Variants in ABCA5 observed in about 807,000 individuals in gnomAD.
ABCA5 encodes the protein cholesterol transporter ABCA5.
A neutral mutation model predicts 206.0 loss-of-function variants in ABCA5; 163 were observed. The ratio of observed to expected loss-of-function variants is 0.79; its 90% CI spans 0.70 to 0.90. ABCA5 has a LOEUF of 0.90. Among genes scored for constraint, ABCA5 ranks in the 40% least tolerant of loss-of-function variants. The probability of loss-of-function intolerance (pLI) is 0.00; values close to 1 mark genes in which losing one functional copy is unlikely to be tolerated. For synonymous variants in ABCA5, 609 were observed against 613.8 expected, an observed-to-expected ratio of 0.99 and a Z score of 0.11; for missense variants, 1,859 against 1,912.9, an observed-to-expected ratio of 0.97 and a Z score of 0.53.
intron 13 of ABCA5, 34 bp from the exon 14 acceptor site, chr17:69,289,330 A>G (rs1567769328): frequency 6.9e-7 from 1 of 1,457,264 alleles, no homozygotes; most frequent in East Asian, 2.5e-5. Context: ...TGTTATTTTA[A>G]AAATCATACC....
intron 11 of ABCA5, among the ~76,000 whole-genome samples, chr17:69,292,965 T>G (rs180833858): frequency 8.1e-4 from 124 of 152,324 alleles, no homozygotes; most frequent in African/African-American, 2.9e-3. Context: ...ATTAATAACA[T>G]TAGTTATTAG....
Position 69,289,885 on chromosome 17 carries a change from G to A in ABCA5, c.1759C>T (p.Pro587Ser). The A allele has an allele frequency of 6.2e-7, 1 of 1,609,308 alleles. No homozygotes were observed. The highest frequency in any genetic ancestry group is 1.7e-5 in the Admixed American group (1 of 59,482). ...ACTTCTTGTATTATATTGTTGGCTGGTATCCCTTTGATTGAAGCCAAAATT... is the reference window on the plus strand; with the variant it reads ...ACTTCTTGTATTATATTGTTGGCTGATATCCCTTTGATTGAAGCCAAAATT... ...LSILASIKGIPANNIIQEVQK... is the reference protein window; with the variant it reads ...LSILASIKGISANNIIQEVQK... Residue 587 changes from proline to serine, a missense_variant, in exon 13 of 39, where the codon CCA becomes TCA. Coordinates refer to ENST00000392676, the MANE Select transcript of ABCA5 (RefSeq NM_172232.4).
At chr17:69,250,027 A>AC (rs2074994032) in intron 36 of ABCA5, 43 bp from the exon 37 acceptor site, 2 of 1,244,532 alleles carry the variant, frequency 1.6e-6, no homozygotes, top group Non-Finnish European at 1.1e-6. Flanking sequence ...AAAAATTACT[A>AC]CTATTATGTT....
chr17:69,251,627 C>G, intron 35 of ABCA5, 120 bp downstream of exon 35: 1 of 1,375,750 alleles, frequency 7.3e-7, no homozygotes, highest in Non-Finnish European at 9.6e-7. Flanking sequence ...CAAAAGCTAA[C>G]TCAAAAACTA....
Position 69,313,246 on chromosome 17 carries a change from C to T in ABCA5, c.153G>A (p.Met51Ile), listed in dbSNP as rs779225546. ...FFLFWLILIS[M>I]MHPNKKYEEV... ...CTTCATATTTCTTATTTGGATGCAT[C>T]ATGCTAATTAATATTAACCAAAATA... Residue 51 changes from methionine to isoleucine, a missense_variant, in exon 3 of 39, where the codon ATG (methionine) becomes ATA (isoleucine). By Grantham distance (10) the Met-to-Ile change is conservative. Coordinates refer to ENST00000392676, the MANE Select transcript of ABCA5 (RefSeq NM_172232.4). 6.6e-7 allele frequency: 1 copy of T among 1,507,030 alleles called. No individual in the cohort carries two copies. The highest frequency in any genetic ancestry group is 9.2e-7 in the Non-Finnish European group (1 of 1,087,398). 93.4% of individuals were successfully genotyped at this position (1,507,030 alleles called of 1,614,324 possible).
Position 69,256,144 on chromosome 17 carries a change from A to G in ABCA5, c.3858+13T>C. 6.4e-7 allele frequency: 1 copy of G among 1,572,568 alleles called. No homozygotes were observed. Among genetic ancestry groups the G allele is most frequent in the South Asian group, 1.2e-5 (1 of 82,116 alleles). On this transcript the variant is annotated intron_variant, in intron 29 of 38. Transcript: ENST00000392676. ...TCATATTTACTATGACTTAGCCATA[A>G]AGAATAAATTACCTCCTCACAACAC...
intron 8 of ABCA5, among the ~76,000 whole-genome samples, 161 bp downstream of exon 8, chr17:69,302,557 A>G (rs1309189529): frequency 6.6e-6 from 1 of 152,256 alleles, no homozygotes; most frequent in East Asian, 1.9e-4. Flanking sequence ...AAACATAAAT[A>G]AAACTAGATA....
chr17:69,306,954 AC>A lies in ABCA5; in HGVS notation c.559-1del. 3 of 1,524,920 alleles carry A rather than the reference AC, an allele frequency of 2.0e-6. No homozygotes were observed. The highest frequency in any genetic ancestry group is 2.6e-6 in the Non-Finnish European group (3 of 1,139,054). 94.5% of individuals were successfully genotyped at this position (1,524,920 alleles called of 1,614,324 possible). ...TTCCAAAGAGAAACATTGGTCTTCA[AC>A]TATAATTAGAAAATGTAAATACATC... On this transcript the variant is annotated splice_acceptor_variant, in intron 5 of 38. Transcript: ENST00000392676. LOFTEE classifies it high-confidence loss of function.
intron 7 of ABCA5, among the ~76,000 whole-genome samples, chr17:69,303,811 TAC>T (rs1218598918): frequency 3.1e-3 from 13 of 4,262 alleles, no homozygotes; most frequent in Non-Finnish European, 0.014. Flanking sequence ...TATATATACA[TAC>T]ATATATATAT....
At chr17:69,266,679 C>T (rs2075212900) in intron 23 of ABCA5, among the ~76,000 whole-genome samples, 1 of 148,102 alleles carries the variant, frequency 6.8e-6, no homozygotes, top group African/African-American at 2.5e-5. Context: ...ATGCAAATGT[C>T]CAGTAAATTT....
At chr17:69,284,420 C>G (rs2075429216) in intron 17 of ABCA5, among the ~76,000 whole-genome samples, 1 of 151,678 alleles carries the variant, frequency 6.6e-6, no homozygotes, top group South Asian at 2.1e-4. Flanking sequence ...ATATCTATTA[C>G]CATATTATAT....
chr17:69,302,203 TC>T (rs1007594072), intron 8 of ABCA5, among the ~76,000 whole-genome samples: 2 of 152,126 alleles, frequency 1.3e-5, no homozygotes, highest in African/African-American at 4.8e-5. Context: ...ACCTAACTAC[TC>T]CTGTAAGGAC....
chr17:69,256,118 T>G, intron 29 of ABCA5, 39 bp downstream of exon 29: 3 of 1,517,836 alleles, frequency 2.0e-6, no homozygotes, highest in Non-Finnish European at 2.6e-6. Context: ...AATTGATCAT[T>G]TCATATTTAC....
chr17:69,267,736 GAATAT>G (rs1457818584), intron 23 of ABCA5, among the ~76,000 whole-genome samples: 2 of 152,118 alleles, frequency 1.3e-5, no homozygotes, highest in East Asian at 1.9e-4. Context: ...GAGAATTAGA[GAATAT>G]AATTTTTAAA....
At chr17:69,318,065 T>C (rs574117951) in intron 1 of ABCA5, among the ~76,000 whole-genome samples, 1 of 152,210 alleles carries the variant, frequency 6.6e-6, no homozygotes, top group South Asian at 2.1e-4. Context: ...ACAAGGACCA[T>C]CTGTTGCAAG....
At chr17:69,281,044 A>AT (rs1491455860) in intron 18 of ABCA5, among the ~76,000 whole-genome samples, 2 of 149,722 alleles carry the variant, frequency 1.3e-5, no homozygotes, top group Non-Finnish European at 3.0e-5. Context: ...ATAAAAAAAA[A>AT]TAAAAATAAA....
chr17:69,314,249 T>A, intron 2 of ABCA5, 65 bp downstream of exon 2: 1 of 917,094 alleles, frequency 1.1e-6, no homozygotes, highest in East Asian at 2.7e-5. Context: ...AATCATCACT[T>A]CAAGATAGAA....
intron 23 of ABCA5, among the ~76,000 whole-genome samples, chr17:69,266,055 G>A (rs2075204166): frequency 6.6e-6 from 1 of 152,156 alleles, no homozygotes; most frequent in Non-Finnish European, 1.5e-5. Flanking sequence ...GTTAGAGAAA[G>A]TGTGATGTAT....
intron 11 of ABCA5, among the ~76,000 whole-genome samples, chr17:69,293,845 TGTGTGTGTGTGTGTGTGTGTGTGTGTGC>T (rs1004308288): frequency 1.4e-4 from 14 of 101,506 alleles, no homozygotes; most frequent in Non-Finnish European, 2.8e-4. Flanking sequence ...TGTGTGTGTG[TGTGTGTGTGTGTGTGTGTGTGTGTGTGC>T]GTGTGTGTGT....
Sources: allele counts gnomAD v4.1 joint callset (sites outside exome capture counted in the v4.1 genomes callset), GRCh38; gene constraint gnomAD v4.1.1; transcripts MANE v1.5; gene names NCBI Gene and HGNC (gene_info 2026-07-23, HGNC 2026-07-21).